Variants in DOCK10 observed in about 807,000 individuals in gnomAD.
The protein encoded by DOCK10 is dedicator of cytokinesis protein 10.
In DOCK10, 145 loss-of-function variants were observed where a neutral mutation model predicts 280.1. That is an observed-to-expected ratio of 0.52 (90% CI 0.45 to 0.59). The LOEUF (loss-of-function observed/expected upper bound fraction) is 0.59. Ranked by LOEUF, DOCK10 falls within the 20% of genes least tolerant of loss-of-function variation. The pLI is 0.00. For synonymous variants in DOCK10, 915 were observed against 942.2 expected (o/e 0.97, Z 0.53); for missense variants, 2,368 against 2,651.7 (o/e 0.89, Z 2.35).
rs577976151 is a variant in DOCK10 at position 224,888,361 on chromosome 2, G to T, written c.417-1830C>A. On this transcript the variant is annotated intron_variant, in intron 4 of 55. Coordinates refer to ENST00000258390, the MANE Select transcript of DOCK10 (RefSeq NM_014689.3). ...TGTGTGAATACATATGTGTGTGTCTGTATGTATTGTATGTATATGTGTGTG... is the reference window on the plus strand; with the variant it reads ...TGTGTGAATACATATGTGTGTGTCTTTATGTATTGTATGTATATGTGTGTG... Among the ~76,000 whole-genome samples, 7 of 151,832 alleles carry T rather than the reference G, an allele frequency of 4.6e-5. No homozygotes were observed. In the East Asian group the frequency reaches 1.4e-3, roughly 29 times the overall value.
chr2:224,777,037 A>G (rs1690919007), intron 51 of DOCK10, among the ~76,000 whole-genome samples: 1 of 152,182 alleles, frequency 6.6e-6, no homozygotes, highest in Non-Finnish European at 1.5e-5. Flanking sequence ...CAGAAGGAAA[A>G]GACCCTGTGC....
intron 25 of DOCK10, 43 bp downstream of exon 25, chr2:224,837,719 C>A: frequency 6.5e-7 from 1 of 1,535,252 alleles, no homozygotes; most frequent in Non-Finnish European, 9.0e-7. Context: ...ACAAGTCACA[C>A]AGCACAAGGG....
At chr2:224,808,536 T>C (rs1207472140) in intron 31 of DOCK10, among the ~76,000 whole-genome samples, 1 of 152,032 alleles carries the variant, frequency 6.6e-6, no homozygotes, top group African/African-American at 2.4e-5. Flanking sequence ...GGATTTTCGA[T>C]GGCACAGAAT....
rs114653596 is a variant in DOCK10, at chr2:224,881,789, G to A, written c.747+3882C>T. On this transcript the variant is annotated intron_variant, in intron 7 of 55. Transcript: ENST00000258390. ...CTTGAGTTGCTAATGCGAGGCTTAC[G>A]GGTCATATTTGGCTTCTAGATTTGT... Among the ~76,000 whole-genome samples the A allele has an allele frequency of 5.6e-3, 858 of 152,188 alleles. 8 individuals carry two copies. Among genetic ancestry groups the A allele is most frequent in the Middle Eastern group, 0.037 (11 of 294 alleles).
intron 7 of DOCK10, among the ~76,000 whole-genome samples, chr2:224,876,789 A>C (rs1698657820): frequency 6.6e-6 from 1 of 151,602 alleles, no homozygotes. Context: ...CCTTTTTTCG[A>C]TCTCCTCTGC....
chr2:224,890,985 G>C (rs1018408022), intron 4 of DOCK10, among the ~76,000 whole-genome samples: 6 of 152,202 alleles, frequency 3.9e-5, no homozygotes, highest in African/African-American at 1.4e-4. Context: ...ATTCCGAAGA[G>C]TCTAGAGAGG....
At chr2:224,902,644 A>ATG (rs1365301327) in intron 3 of DOCK10, among the ~76,000 whole-genome samples, 1 of 152,072 alleles carries the variant, frequency 6.6e-6, no homozygotes, top group Non-Finnish European at 1.5e-5. Context: ...GCAAACCAGG[A>ATG]TGTGTGGGTC....
At chr2:224,862,303 A>T (rs1021494724) in intron 14 of DOCK10, 1 of 168,954 alleles carries the variant, frequency 5.9e-6, no homozygotes, top group Non-Finnish European at 1.3e-5. Context: ...CAGTGCATCT[A>T]TCTGAATTTT....
chr2:224,972,490 G>A (rs1223692848), intron 1 of DOCK10, among the ~76,000 whole-genome samples: 1 of 152,100 alleles, frequency 6.6e-6, no homozygotes, highest in Non-Finnish European at 1.5e-5. Flanking sequence ...TCAAGATGCT[G>A]TAATTTTGCA....
At chr2:224,839,846 T>A (rs1695839722) in intron 24 of DOCK10, 108 bp downstream of exon 24, 1 of 484,588 alleles carries the variant, frequency 2.1e-6, no homozygotes, top group Non-Finnish European at 3.7e-6. Context: ...TGAGATGTGT[T>A]CAAATGAAAT....
chr2:224,935,604 C>G (rs956489167), intron 1 of DOCK10, among the ~76,000 whole-genome samples: 1 of 152,148 alleles, frequency 6.6e-6, no homozygotes, highest in South Asian at 2.1e-4. Flanking sequence ...ATTAATTTCT[C>G]CATCTGTAAA....
chr2:224,949,817 A>G (rs1002571216), intron 1 of DOCK10, among the ~76,000 whole-genome samples: 1 of 152,252 alleles, frequency 6.6e-6, no homozygotes, highest in Admixed American at 6.5e-5. Context: ...GAGGATAAAT[A>G]AAATGACATC....
At chr2:224,897,662 G>T (rs1368562109) in intron 3 of DOCK10, among the ~76,000 whole-genome samples, 1 of 151,986 alleles carries the variant, frequency 6.6e-6, no homozygotes, top group East Asian at 1.9e-4. Flanking sequence ...CTCTTTCTGT[G>T]CCTGGCTTAT....
At chr2:225,015,469 T>C (rs1294702564) in intron 1 of DOCK10, among the ~76,000 whole-genome samples, 2 of 152,206 alleles carry the variant, frequency 1.3e-5, no homozygotes, top group Non-Finnish European at 2.9e-5. Context: ...AGCATATGTT[T>C]TCCTCATATG....
At chr2:224,984,585 C>G (rs967328430) in intron 1 of DOCK10, among the ~76,000 whole-genome samples, 1 of 151,702 alleles carries the variant, frequency 6.6e-6, no homozygotes, top group Non-Finnish European at 1.5e-5. Context: ...GGATTAGTTT[C>G]TTTGGAATTC....
chr2:224,878,290 G>T (rs899686132), intron 7 of DOCK10, among the ~76,000 whole-genome samples: 1 of 152,308 alleles, frequency 6.6e-6, no homozygotes, highest in Middle Eastern at 3.4e-3. Flanking sequence ...TAATTTAAAT[G>T]TCATAACAAC....
intron 1 of DOCK10, among the ~76,000 whole-genome samples, chr2:225,007,004 A>G (rs770736315): frequency 1.3e-5 from 2 of 152,202 alleles, no homozygotes; most frequent in Non-Finnish European, 2.9e-5. Context: ...GAATGCATAA[A>G]TGTGTCACAA....
At position 224,826,969 on chromosome 2, in the gene DOCK10, G is replaced by GA. The variant is rs201109376; in HGVS notation, c.3037-3323dup. Among the ~76,000 whole-genome samples the GA allele has an allele frequency of 2.0e-3, 300 of 147,050 alleles. 1 individual carries two copies. Among genetic ancestry groups the GA allele is most frequent in the Non-Finnish European group, 3.3e-3 (218 of 66,420 alleles). On this transcript the variant is annotated intron_variant, in intron 27 of 55. Transcript: ENST00000258390. ...CAGGAGTGAGACCGTGTATCAAGGG[G>GA]AAAAAAAAATGGGCCATGCGTGGTG...
intron 1 of DOCK10, among the ~76,000 whole-genome samples, chr2:224,939,408 A>G (rs1309751995): frequency 6.6e-6 from 1 of 152,204 alleles, no homozygotes; most frequent in Non-Finnish European, 1.5e-5. Flanking sequence ...ATCTCTTATG[A>G]GCATGTTAAA....
Sources: gnomAD v4.1 joint callset for allele counts (sites outside exome capture counted in the v4.1 genomes callset) on GRCh38, gnomAD v4.1.1 for gene constraint, MANE v1.5 for transcripts, NCBI Gene and HGNC (gene_info 2026-07-23, HGNC 2026-07-21) for gene names.